Variants in SH3BGRL2 observed in about 807,000 individuals in gnomAD.
The protein encoded by SH3BGRL2 is SH3 domain binding glutamate rich protein like 2.
Under a neutral mutation model 14.8 loss-of-function variants are expected in SH3BGRL2, and 21 were observed. The ratio of observed to expected loss-of-function variants is 1.42; its 90% CI spans 1.01 to 2.05. The LOEUF (loss-of-function observed/expected upper bound fraction) is 2.05. Among genes scored for constraint, SH3BGRL2 ranks in the 30% most tolerant of loss-of-function variants. SH3BGRL2 has a pLI of 0.00. For synonymous variants in SH3BGRL2, 50 were observed against 47.8 expected (o/e 1.05, Z -0.19); for missense variants, 147 against 130.8 (o/e 1.12, Z -0.61).
intron 1 of SH3BGRL2, among the ~76,000 whole-genome samples, chr6:79,639,492 G>A (rs989452335): frequency 6.6e-6 from 1 of 152,092 alleles, no homozygotes; most frequent in Non-Finnish European, 1.5e-5. Context: ...GGGGGGCTGA[G>A]GCAGGAGGAG....
At chr6:79,612,980 C>T in the SH3BGRL2 span, among the ~76,000 whole-genome samples, 3 of 152,204 alleles carry the variant, frequency 2.0e-5, no homozygotes, top group Admixed American at 6.5e-5. Flanking sequence ...CTCAGAGACA[C>T]TCGACTGCTG....
the SH3BGRL2 span, among the ~76,000 whole-genome samples, chr6:79,538,609 C>G: frequency 0.32 from 48,224 of 152,058 alleles, 8,711 homozygotes; most frequent in East Asian, 0.81. Flanking sequence ...ATAGCTCACT[C>G]GTTATTATGG....
the SH3BGRL2 span, among the ~76,000 whole-genome samples, chr6:79,593,914 C>T: frequency 6.6e-6 from 1 of 151,584 alleles, no homozygotes; most frequent in East Asian, 1.9e-4. Flanking sequence ...CTTAAAACTT[C>T]ATCAGGAGGC....
At chr6:79,565,980 AACTT>A in the SH3BGRL2 span, among the ~76,000 whole-genome samples, 4 of 152,170 alleles carry the variant, frequency 2.6e-5, no homozygotes, top group African/African-American at 7.2e-5. Flanking sequence ...AGACTGGTGC[AACTT>A]ACTTCACAGA....
the SH3BGRL2 span, among the ~76,000 whole-genome samples, chr6:79,620,161 T>C: frequency 2.0e-5 from 3 of 152,182 alleles, no homozygotes; most frequent in Admixed American, 6.5e-5. Context: ...TCTCCCTTTT[T>C]TTTCCCCTGG....
At chr6:79,598,180 T>C in the SH3BGRL2 span, among the ~76,000 whole-genome samples, 39 of 152,326 alleles carry the variant, frequency 2.6e-4, no homozygotes, top group Middle Eastern at 3.4e-3. Flanking sequence ...GAAAATAGTC[T>C]AGCAGTTCCT....
Position 79,697,850 on chromosome 6 carries a change from G to T in SH3BGRL2, c.312+1285G>T, listed in dbSNP as rs147140623. ...GTAGTCTAATGGATACATAAATCCA[G>T]CGGGCATCATTGTCTATGCAAAAAC... On this transcript the variant is annotated intron_variant, in intron 3 of 3. Coordinates refer to ENST00000369838, the MANE Select transcript of SH3BGRL2 (RefSeq NM_031469.4). Among the ~76,000 whole-genome samples the T allele has an allele frequency of 5.1e-3, 772 of 152,330 alleles. 9 individuals are homozygous for T. The highest frequency in any genetic ancestry group is 0.018 in the African/African-American group (730 of 41,574).
intron 2 of SH3BGRL2, among the ~76,000 whole-genome samples, chr6:79,691,444 T>C (rs1770213042): frequency 6.6e-6 from 1 of 151,006 alleles, no homozygotes; most frequent in African/African-American, 2.4e-5. Flanking sequence ...CATGTTGGTG[T>C]GCTGCACCCA....
At chr6:79,606,177 G>A in the SH3BGRL2 span, among the ~76,000 whole-genome samples, 7 of 152,052 alleles carry the variant, frequency 4.6e-5, no homozygotes, top group African/African-American at 1.7e-4. Context: ...GTTGATCTCT[G>A]GTGGGAATTG....
the SH3BGRL2 span, among the ~76,000 whole-genome samples, chr6:79,600,519 AG>A: frequency 1.3e-5 from 2 of 152,266 alleles, no homozygotes; most frequent in Admixed American, 1.3e-4. Flanking sequence ...GGAGAGGAAA[AG>A]TCACAGTAGG....
At chr6:79,589,206 A>ATATAT in the SH3BGRL2 span, among the ~76,000 whole-genome samples, 23 of 141,420 alleles carry the variant, frequency 1.6e-4, no homozygotes, top group South Asian at 2.7e-3. Context: ...ATATATATAT[A>ATATAT]TTTTTTTTTT....
chr6:79,593,913 T>TC, the SH3BGRL2 span, among the ~76,000 whole-genome samples: 1 of 151,740 alleles, frequency 6.6e-6, no homozygotes, highest in African/African-American at 2.4e-5. Context: ...CCTTAAAACT[T>TC]CATCAGGAGG....
the SH3BGRL2 span, among the ~76,000 whole-genome samples, chr6:79,582,438 A>G: frequency 6.6e-6 from 1 of 152,212 alleles, no homozygotes; most frequent in Non-Finnish European, 1.5e-5. Flanking sequence ...CAAAACAGAT[A>G]TATAGAACAA....
At chr6:79,694,539 C>T (rs959026295) in intron 2 of SH3BGRL2, among the ~76,000 whole-genome samples, 19 of 152,256 alleles carry the variant, frequency 1.2e-4, no homozygotes, top group African/African-American at 4.3e-4. Flanking sequence ...TACAAATTTT[C>T]GTACAAATTC....
intron 1 of SH3BGRL2, among the ~76,000 whole-genome samples, chr6:79,650,437 A>C (rs1769264529): frequency 6.6e-6 from 1 of 152,190 alleles, no homozygotes; most frequent in Non-Finnish European, 1.5e-5. Flanking sequence ...ATAAAGGAAT[A>C]CCTGAAGCTG....
At chr6:79,641,193 T>TGTGTGTGTGG (rs1769028355) in intron 1 of SH3BGRL2, among the ~76,000 whole-genome samples, 1 of 147,272 alleles carries the variant, frequency 6.8e-6, no homozygotes, top group African/African-American at 2.5e-5. Context: ...TGTGTGTGTG[T>TGTGTGTGTGG]GTGGTTTGTT....
intron 2 of SH3BGRL2, among the ~76,000 whole-genome samples, chr6:79,683,150 A>G (rs1235314350): frequency 2.0e-5 from 3 of 152,202 alleles, no homozygotes; most frequent in Non-Finnish European, 4.4e-5. Context: ...ATACCTATGT[A>G]TCAAACCTGC....
the SH3BGRL2 span, among the ~76,000 whole-genome samples, chr6:79,619,211 A>G: frequency 0.54 from 81,781 of 151,832 alleles, 22,325 homozygotes; most frequent in East Asian, 0.78. Context: ...TGACCCCTCT[A>G]GGTAACCAAT....
upstream of SH3BGRL2, among the ~76,000 whole-genome samples, chr6:79,627,081 C>T (rs2127720271): frequency 6.6e-6 from 1 of 152,228 alleles, no homozygotes; most frequent in South Asian, 2.1e-4. Flanking sequence ...ACTCTATTTC[C>T]CCGGGCCACA....
Sources: allele counts gnomAD v4.1 joint callset (sites outside exome capture counted in the v4.1 genomes callset), GRCh38; gene constraint gnomAD v4.1.1; transcripts MANE v1.5; gene names NCBI Gene and HGNC (gene_info 2026-07-23, HGNC 2026-07-21).